DRC9: variants seen among roughly 807,000 people sequenced by gnomAD.
DRC9 encodes the protein dynein regulatory complex protein 9.
At chr3:197,924,423 C>T in the DRC9 span, among the ~76,000 whole-genome samples, 28 of 152,304 alleles carry the variant, frequency 1.8e-4, no homozygotes, top group African/African-American at 6.3e-4. Flanking sequence ...AGTTTTCCAA[C>T]GTCTATGTAG....
At chr3:197,955,735 C>A in the DRC9 span, 1 of 1,597,352 alleles carries the variant, frequency 6.3e-7, no homozygotes, top group Non-Finnish European at 8.6e-7. Flanking sequence ...GTTTTGTGTT[C>A]TTTTTTCCCT....
the DRC9 span, chr3:197,889,386 TA>T: frequency 1.6e-6 from 1 of 637,890 alleles, no homozygotes; most frequent in Non-Finnish European, 2.8e-6. Flanking sequence ...GGTGTAATCC[TA>T]AATCAGGGTT....
the DRC9 span, among the ~76,000 whole-genome samples, chr3:197,892,015 G>T: frequency 6.6e-6 from 1 of 152,120 alleles, no homozygotes; most frequent in African/African-American, 2.4e-5. Flanking sequence ...TCAGCCTCCT[G>T]AATAGCTGGA....
At chr3:197,951,420 C>G in the DRC9 span, 1 of 1,236,454 alleles carries the variant, frequency 8.1e-7, no homozygotes, top group Non-Finnish European at 1.2e-6. Context: ...GTGACTTGGT[C>G]TCCCTCACCG....
At chr3:197,916,873 T>C in the DRC9 span, among the ~76,000 whole-genome samples, 3 of 146,696 alleles carry the variant, frequency 2.0e-5, no homozygotes, top group Non-Finnish European at 4.5e-5. Flanking sequence ...AATACACCAA[T>C]GATGAACTAA....
At chr3:197,950,409 GAACGGC>G in the DRC9 span, 1 of 1,019,412 alleles carries the variant, frequency 9.8e-7, no homozygotes, top group African/African-American at 1.7e-5. Flanking sequence ...GACACCCGGA[GAACGGC>G]TGCCCGGGTT....
chr3:197,940,003 AT>A, the DRC9 span, among the ~76,000 whole-genome samples: 7,138 of 151,822 alleles, frequency 0.047, 196 homozygotes, highest in South Asian at 0.074. Flanking sequence ...ACTAAAAAAA[AT>A]TTTTTTTGAG....
chr3:197,889,535 T>G, the DRC9 span: 4 of 1,612,120 alleles, frequency 2.5e-6, no homozygotes, highest in South Asian at 4.4e-5. Flanking sequence ...CTCCAAGTCC[T>G]TCCCACCTCC....
the DRC9 span, among the ~76,000 whole-genome samples, chr3:197,948,482 T>A: frequency 6.6e-6 from 1 of 152,210 alleles, no homozygotes; most frequent in Non-Finnish European, 1.5e-5. Context: ...TGCTCACAGT[T>A]GTATCAGGTG....
the DRC9 span, among the ~76,000 whole-genome samples, chr3:197,904,924 G>A: frequency 6.6e-6 from 1 of 152,130 alleles, no homozygotes. Flanking sequence ...ATGAGATTGT[G>A]TCATTTGCAA....
the DRC9 span, chr3:197,959,450 A>G: frequency 6.6e-6 from 1 of 152,260 alleles, no homozygotes; most frequent in African/African-American, 2.4e-5. Flanking sequence ...CCATCCTCGT[A>G]GCTGAATCTC....
chr3:197,920,556 G>A, the DRC9 span, among the ~76,000 whole-genome samples: 23 of 152,026 alleles, frequency 1.5e-4, no homozygotes, highest in African/African-American at 3.4e-4. Context: ...GCAAAACTCC[G>A]TCTCTACTAA....
chr3:197,951,409 A>T, the DRC9 span: 2 of 1,336,404 alleles, frequency 1.5e-6, no homozygotes, highest in Non-Finnish European at 2.1e-6. Flanking sequence ...GCTGGAATGC[A>T]GTGACTTGGT....
At chr3:197,899,659 AAG>A in the DRC9 span, among the ~76,000 whole-genome samples, 1 of 152,318 alleles carries the variant, frequency 6.6e-6, no homozygotes, top group Non-Finnish European at 1.5e-5. Context: ...AAAGGAAAAA[AAG>A]AAAAATGAAA....
At chr3:197,919,643 C>G in the DRC9 span, among the ~76,000 whole-genome samples, 11 of 152,272 alleles carry the variant, frequency 7.2e-5, no homozygotes, top group African/African-American at 2.6e-4. Flanking sequence ...TAAAAAGAGG[C>G]AGTCTACCAA....
the DRC9 span, among the ~76,000 whole-genome samples, chr3:197,895,780 G>A: frequency 6.6e-6 from 1 of 151,446 alleles, no homozygotes; most frequent in Non-Finnish European, 1.5e-5. Context: ...TTTGAGATCA[G>A]CCTTGGCAAC....
chr3:197,893,557 T>G, the DRC9 span, among the ~76,000 whole-genome samples: 3 of 151,636 alleles, frequency 2.0e-5, no homozygotes, highest in African/African-American at 7.3e-5. Flanking sequence ...AGAAAATGAA[T>G]GTAGGGCCGG....
chr3:197,938,653 CCT>C, the DRC9 span: 2 of 1,614,126 alleles, frequency 1.2e-6, no homozygotes, highest in Admixed American at 3.3e-5. Context: ...AGCGAACCGG[CCT>C]CTGTGTCTGA....
chr3:197,922,387 TG>T, the DRC9 span, among the ~76,000 whole-genome samples: 1 of 152,122 alleles, frequency 6.6e-6, no homozygotes, highest in African/African-American at 2.4e-5. Flanking sequence ...GACATTGCTT[TG>T]GAGGGCTTAA....
Sources: allele counts gnomAD v4.1 joint callset (sites outside exome capture counted in the v4.1 genomes callset), GRCh38; gene constraint gnomAD v4.1.1; transcripts MANE v1.5; gene names NCBI Gene and HGNC (gene_info 2026-07-23, HGNC 2026-07-21).